Variants in PSMD9 observed in about 807,000 individuals in gnomAD.
PSMD9 encodes 26S proteasome non-ATPase regulatory subunit 9.
PSMD9 carries 26 observed loss-of-function variants against 25.9 expected under a neutral mutation model. The ratio of observed to expected loss-of-function variants is 1.00; its 90% CI spans 0.73 to 1.39. The LOEUF is 1.39. Among genes scored for constraint, PSMD9 ranks in the 40% most tolerant of loss-of-function variants. PSMD9 has a pLI of 0.00. For synonymous variants in PSMD9, 110 were observed against 114.5 expected, an observed-to-expected ratio of 0.96 and a Z score of 0.25; for missense variants, 303 against 299.3, an observed-to-expected ratio of 1.01 and a Z score of -0.09.
rs929883876 is a variant in PSMD9 at position 121,902,997 on chromosome 12, C to T, written c.454-9C>T. ...TAGCCTGATTTTCCATTTTTCCTTC[C>T]CTCTCCAGGGTCTGCAAGTGGATGA... On this transcript the variant is annotated splice_polypyrimidine_tract_variant and intron_variant, in intron 3 of 5. Transcript: ENST00000541212. 5.0e-6 allele frequency: 8 copies of T among 1,612,276 alleles called. No homozygotes were observed. The highest frequency in any genetic ancestry group is 3.3e-5 in the Admixed American group (2 of 59,954).
rs1417926790 is a variant in PSMD9, at chr12:121,916,458, C to T, written c.*147C>T. Reference sequence around the variant, plus strand: ...TTCTGTGTGGTGGCAGTACTGTGGCCCACCAGTGTAATCTCCCTGGATTAA... The same window carrying T: ...TTCTGTGTGGTGGCAGTACTGTGGCTCACCAGTGTAATCTCCCTGGATTAA... On this transcript the variant is annotated 3_prime_UTR_variant, in exon 6 of 6. Transcript: ENST00000541212. 5.0e-6 allele frequency: 5 copies of T among 992,568 alleles called. No individual in the cohort carries two copies. The African/African-American group carries it at 6.4e-5, about 13-fold the overall frequency. 61.5% of individuals were successfully genotyped at this position (992,568 alleles called of 1,614,324 possible).
chr12:121,911,015 T>C, intron 4 of PSMD9: 2 of 455,116 alleles, frequency 4.4e-6, no homozygotes, highest in Non-Finnish European at 8.8e-6. Context: ...AGGTGAAATC[T>C]TACATACTGT....
At chr12:121,913,008 C>G (rs538386850) in intron 4 of PSMD9, among the ~76,000 whole-genome samples, 1 of 149,834 alleles carries the variant, frequency 6.7e-6, no homozygotes, top group South Asian at 2.1e-4. Context: ...ACAATCTCGG[C>G]TCACTGCAAA....
At position 121,894,748 on chromosome 12, in the gene PSMD9, A is replaced by C; in HGVS notation, c.148A>C (p.Ile50Leu). The C allele has an allele frequency of 1.2e-6, 2 of 1,614,046 alleles. No homozygotes were observed. Among genetic ancestry groups the C allele is most frequent in the Non-Finnish European group, 1.7e-6 (2 of 1,179,992 alleles). The change falls in exon 2 of 6, where the codon ATT becomes CTT. Residue 50 changes from isoleucine (I) to leucine (L), a missense_variant. By Grantham distance (5) the Ile-to-Leu change is conservative (BLOSUM62 2). Transcript: ENST00000541212. ...CGTTTCTTTCCTCCAGCAAAAAGGC[A>C]TTGGGATGAACGAGCCGCTGGTGGA... ...NYDVLESQKG[I>L]GMNEPLVDCE...
In PSMD9 at chr12:121,894,754, A is replaced by T; in HGVS notation, c.154A>T (p.Met52Leu). 2 of 1,614,044 alleles carry T rather than the reference A, an allele frequency of 1.2e-6. No individual in the cohort carries two copies. Among genetic ancestry groups the T allele is most frequent in the Non-Finnish European group, 1.7e-6 (2 of 1,180,008 alleles). ...TTTCCTCCAGCAAAAAGGCATTGGGATGAACGAGCCGCTGGTGGACTGTGA... is the reference window on the plus strand; with the variant it reads ...TTTCCTCCAGCAAAAAGGCATTGGGTTGAACGAGCCGCTGGTGGACTGTGA... ...DVLESQKGIG[M>L]NEPLVDCEGY... The change falls in exon 2 of 6, where the codon ATG (methionine) becomes TTG (leucine). Residue 52 changes from methionine to leucine, a missense_variant. By Grantham distance (15) the Met-to-Leu change is conservative. Coordinates refer to ENST00000541212, the MANE Select transcript of PSMD9 (RefSeq NM_002813.7).
intron 2 of PSMD9, chr12:121,899,421 A>G: frequency 1.8e-6 from 1 of 569,546 alleles, no homozygotes; most frequent in Non-Finnish European, 3.1e-6. Context: ...TGCAGTCATC[A>G]GATGTTATTG....
At chr12:121,913,386 C>T (rs111972041) in intron 4 of PSMD9, among the ~76,000 whole-genome samples, 5,573 of 152,066 alleles carry the variant, frequency 0.037, 314 homozygotes, top group African/African-American at 0.12. Flanking sequence ...GCCCTTTGCT[C>T]ATATTCTAAT....
intron 3 of PSMD9, among the ~76,000 whole-genome samples, chr12:121,901,060 A>G (rs1330709737): frequency 6.6e-6 from 1 of 151,594 alleles, no homozygotes; most frequent in East Asian, 1.9e-4. Context: ...CCTGGGCTCA[A>G]GTGATTCTAC....
intron 4 of PSMD9, among the ~76,000 whole-genome samples, chr12:121,912,576 T>A (rs1016115059): frequency 1.3e-5 from 2 of 152,180 alleles, no homozygotes; most frequent in Non-Finnish European, 2.9e-5. Context: ...TGAAGAAATG[T>A]CTATTTAGGC....
chr12:121,907,413 T>C (rs1387679608), intron 4 of PSMD9, among the ~76,000 whole-genome samples: 3 of 150,928 alleles, frequency 2.0e-5, no homozygotes, highest in Non-Finnish European at 4.4e-5. Flanking sequence ...TGAGATGGAG[T>C]CTTGCTCTGT....
chr12:121,917,150 A>G lies in PSMD9; in HGVS notation c.*839A>G, dbSNP rs1038168368. The G allele has an allele frequency of 2.6e-5, 4 of 152,192 alleles. No individual in the cohort carries two copies. Among genetic ancestry groups the G allele is most frequent in the South Asian group, 2.1e-4 (1 of 4,832 alleles). The allele number at this position is 152,192 out of a possible 1,614,324, so 9.4% of individuals were successfully genotyped here. A position where few individuals can be genotyped will look rare whatever the true frequency, so the allele number is the denominator to read the frequency against. On this transcript the variant is annotated 3_prime_UTR_variant, in exon 6 of 6. Transcript: ENST00000541212. ...GGACCACAGGCGTGCACCACCATGCATAGCTAATTTATTTTTTGTAGAGAC... is the reference window on the plus strand; with the variant it reads ...GGACCACAGGCGTGCACCACCATGCGTAGCTAATTTATTTTTTGTAGAGAC...
intron 1 of PSMD9, among the ~76,000 whole-genome samples, chr12:121,892,644 T>C (rs896302231): frequency 5.3e-5 from 8 of 151,728 alleles, no homozygotes; most frequent in Non-Finnish European, 1.0e-4. Context: ...GAGCTTGCAG[T>C]GAGCCAAGAT....
At chr12:121,891,798 C>T (rs552885538) in intron 1 of PSMD9, among the ~76,000 whole-genome samples, 49 of 150,378 alleles carry the variant, frequency 3.3e-4, no homozygotes, top group Non-Finnish European at 5.6e-4. Flanking sequence ...CCCAGCTACC[C>T]GGGAGGCTGA....
At chr12:121,901,021 C>CGCTCTGTT (rs897993757) in intron 3 of PSMD9, among the ~76,000 whole-genome samples, 12 of 149,894 alleles carry the variant, frequency 8.0e-5, no homozygotes, top group Non-Finnish European at 1.8e-4. Flanking sequence ...GATGGGGTTT[C>CGCTCTGTT]GCTCTGTTGC....
At chr12:121,889,769 A>G (rs973986306) in intron 1 of PSMD9, among the ~76,000 whole-genome samples, 3 of 152,160 alleles carry the variant, frequency 2.0e-5, no homozygotes, top group East Asian at 3.8e-4. Flanking sequence ...GTAGTTCGGA[A>G]GTGGCAGTGG....
chr12:121,911,954 A>G (rs554807507), intron 4 of PSMD9, among the ~76,000 whole-genome samples: 16 of 151,782 alleles, frequency 1.1e-4, no homozygotes, highest in Non-Finnish European at 1.5e-4. Flanking sequence ...CACCTGGCCT[A>G]TGAACATTTT....
rs775156709 is a variant in PSMD9 at position 121,902,993 on chromosome 12, C to T, written c.454-13C>T. ...CCTCTAGCCTGATTTTCCATTTTTCCTTCCCTCTCCAGGGTCTGCAAGTGG... is the reference window on the plus strand; with the variant it reads ...CCTCTAGCCTGATTTTCCATTTTTCTTTCCCTCTCCAGGGTCTGCAAGTGG... On this transcript the variant is annotated splice_polypyrimidine_tract_variant and intron_variant, in intron 3 of 5. Coordinates refer to ENST00000541212, the MANE Select transcript of PSMD9 (RefSeq NM_002813.7). 1 of 1,610,914 alleles carries T rather than the reference C, an allele frequency of 6.2e-7. No individual in the cohort carries two copies. The highest frequency in any genetic ancestry group is 1.1e-5 in the South Asian group (1 of 90,970).
intron 4 of PSMD9, among the ~76,000 whole-genome samples, chr12:121,904,681 G>T (rs1021082448): frequency 3.4e-5 from 2 of 58,136 alleles, no homozygotes; most frequent in Non-Finnish European, 8.8e-5. Flanking sequence ...TATTTGAGAT[G>T]GAGTCTCGCT....
At chr12:121,915,658 A>G in intron 4 of PSMD9, 198 bp from the exon 5 acceptor site, 1 of 537,514 alleles carries the variant, frequency 1.9e-6, no homozygotes, top group Non-Finnish European at 3.3e-6. Context: ...TTTTTTGAGG[A>G]AGATGGTACT....
Sources: gnomAD v4.1 joint callset for allele counts (sites outside exome capture counted in the v4.1 genomes callset) on GRCh38, gnomAD v4.1.1 for gene constraint, MANE v1.5 for transcripts, NCBI Gene and HGNC (gene_info 2026-07-23, HGNC 2026-07-21) for gene names.